Variants in NCKAP5 observed in about 807,000 individuals in gnomAD.
NCKAP5 encodes NCK associated protein 5.
In NCKAP5, 92 loss-of-function variants were observed where a neutral mutation model predicts 167.0. The ratio of observed to expected loss-of-function variants is 0.55; its 90% confidence interval spans 0.47 to 0.66. The LOEUF (loss-of-function observed/expected upper bound fraction) is 0.66. NCKAP5 is among the 30% of genes least tolerant of loss of function. The pLI, the probability that NCKAP5 is intolerant of heterozygous loss-of-function variation, is 0.00. For missense variants in NCKAP5, 2,378 were observed against 2,315.0 expected, an observed-to-expected ratio of 1.03 and a Z score of -0.56; for synonymous variants, 891 against 877.4, an observed-to-expected ratio of 1.02 and a Z score of -0.27.
At chr2:133,607,538 G>C in the NCKAP5 span, among the ~76,000 whole-genome samples, 1 of 152,174 alleles carries the variant, frequency 6.6e-6, no homozygotes, top group Non-Finnish European at 1.5e-5. Context: ...TTAAGATTTG[G>C]AAGTGGTGGG....
chr2:132,904,602 AG>A (rs1276223304), intron 8 of NCKAP5, among the ~76,000 whole-genome samples: 1 of 152,154 alleles, frequency 6.6e-6, no homozygotes, highest in African/African-American at 2.4e-5. Flanking sequence ...CTTTCTGGAA[AG>A]GCTATATCAA....
At chr2:133,263,354 C>A (rs1395219976) in intron 4 of NCKAP5, among the ~76,000 whole-genome samples, 1 of 151,612 alleles carries the variant, frequency 6.6e-6, no homozygotes, top group South Asian at 2.1e-4. Context: ...CAATAAAAAG[C>A]TCCCTTGGGC....
chr2:132,832,777 A>G (rs972820454), intron 11 of NCKAP5, among the ~76,000 whole-genome samples: 3 of 152,170 alleles, frequency 2.0e-5, no homozygotes, highest in Non-Finnish European at 4.4e-5. Flanking sequence ...GTTGTTGGAC[A>G]CTTAGGTTGA....
At position 132,783,659 on chromosome 2, in the gene NCKAP5, C is replaced by T. The variant is rs199817836; in HGVS notation, c.3152G>A (p.Arg1051His). ...CCTTTGTGGGGTCCCAAGTGTTTGGCGAGGAGAGGTTTTGGGGACACCTCT... is the reference window on the plus strand; with the variant it reads ...CCTTTGTGGGGTCCCAAGTGTTTGGTGAGGAGAGGTTTTGGGGACACCTCT... Reference protein sequence around the residue: ...PKRGVPKTSPRQTLGTPQRDI... With the variant: ...PKRGVPKTSPHQTLGTPQRDI... Residue 1051 changes from arginine (R) to histidine (H), a missense_variant, in exon 14 of 20, where the codon CGC (arginine) becomes CAC (histidine). Arg to His is a conservative substitution (Grantham distance 29). Around this residue, in one of 3 missense-constraint regions of NCKAP5, gnomAD observed 1,325 missense variants for 1,274.5 expected, o/e 1.04. Coordinates refer to ENST00000409261, the MANE Select transcript of NCKAP5 (RefSeq NM_207363.3). 9.2e-5 allele frequency: 149 copies of T among 1,613,708 alleles called. No homozygotes were observed. Among genetic ancestry groups the T allele is most frequent in the Admixed American group, 1.5e-4 (9 of 60,000 alleles).
In NCKAP5 at chr2:133,298,530, C is replaced by T. The variant is rs532557114; in HGVS notation, c.143+4507G>A. 2.5e-3 allele frequency among the ~76,000 whole-genome samples: 381 copies of T among 152,238 alleles called. 2 individuals are homozygous for T. Among genetic ancestry groups the T allele is most frequent in the African/African-American group, 8.6e-3 (357 of 41,552 alleles). On this transcript the variant is annotated intron_variant, in intron 4 of 19. Coordinates refer to ENST00000409261, the MANE Select transcript of NCKAP5 (RefSeq NM_207363.3). Reference sequence around the variant, plus strand: ...CTGAGAAGACCTAGGTTTTTATTAGCTACCTCAAGAAAGTAAGAAAAATAG... The same window carrying T: ...CTGAGAAGACCTAGGTTTTTATTAGTTACCTCAAGAAAGTAAGAAAAATAG...
intron 4 of NCKAP5, among the ~76,000 whole-genome samples, chr2:133,239,057 C>T (rs560644365): frequency 6.2e-4 from 94 of 152,288 alleles, no homozygotes; most frequent in Admixed American, 7.2e-4. Context: ...TACAGTCCAT[C>T]ATGTTGGATT....
chr2:132,961,328 AT>A (rs1465239905), intron 8 of NCKAP5, among the ~76,000 whole-genome samples: 3 of 135,072 alleles, frequency 2.2e-5, no homozygotes, highest in African/African-American at 9.1e-5. Context: ...ATAAGAAGAT[AT>A]ATTTATATAT....
At chr2:132,700,122 T>C (rs1293560084) in intron 19 of NCKAP5, among the ~76,000 whole-genome samples, 1 of 149,618 alleles carries the variant, frequency 6.7e-6, no homozygotes, top group East Asian at 1.9e-4. Flanking sequence ...GCTGCATAAA[T>C]GTCTTCTTTT....
At chr2:133,434,910 C>T (rs139733002) in intron 3 of NCKAP5, among the ~76,000 whole-genome samples, 84 of 152,300 alleles carry the variant, frequency 5.5e-4, no homozygotes, top group African/African-American at 2.0e-3. Context: ...CTGTACGTAT[C>T]AGCAGAATGA....
At chr2:133,366,201 T>C (rs922462958) in intron 3 of NCKAP5, among the ~76,000 whole-genome samples, 3 of 152,234 alleles carry the variant, frequency 2.0e-5, no homozygotes, top group African/African-American at 7.2e-5. Flanking sequence ...AGAGCCTATC[T>C]CTGTAAATCT....
intron 5 of NCKAP5, among the ~76,000 whole-genome samples, chr2:133,150,950 G>C (rs2083365966): frequency 6.6e-6 from 1 of 152,162 alleles, no homozygotes; most frequent in African/African-American, 2.4e-5. Context: ...AATGTTGAGT[G>C]AGAAGAGTAA....
In NCKAP5 at chr2:133,086,844, G is replaced by A. The variant is rs1016615517; in HGVS notation, c.341+43134C>T. On this transcript the variant is annotated intron_variant, in intron 6 of 19. Transcript: ENST00000409261. ...GTTGAAAGTTTAGGGAACATTGGGG[G>A]CAAGAAGGAGATCTGAGATGATTTT... Among the ~76,000 whole-genome samples the A allele has an allele frequency of 4.6e-5, 7 of 152,218 alleles. No individual in the cohort carries two copies. The East Asian group carries it at 1.4e-3, about 29-fold the overall frequency.
At chr2:132,735,875 T>C (rs1312112656) in intron 16 of NCKAP5, among the ~76,000 whole-genome samples, 1 of 152,140 alleles carries the variant, frequency 6.6e-6, no homozygotes, top group Non-Finnish European at 1.5e-5. Context: ...AGAAAAAATG[T>C]TGAAGGTGGT....
At chr2:133,367,525 C>G (rs1685530250) in intron 3 of NCKAP5, among the ~76,000 whole-genome samples, 1 of 152,044 alleles carries the variant, frequency 6.6e-6, no homozygotes, top group South Asian at 2.1e-4. Flanking sequence ...TAGCTCAAAC[C>G]AGGAAAACAA....
At chr2:133,308,682 T>C (rs912058559) in intron 3 of NCKAP5, among the ~76,000 whole-genome samples, 25 of 134,944 alleles carry the variant, frequency 1.9e-4, no homozygotes, top group African/African-American at 6.5e-4. Flanking sequence ...TTTGAAGAAA[T>C]ACAATTCTTT....
intron 8 of NCKAP5, among the ~76,000 whole-genome samples, chr2:132,918,655 C>T (rs1437992851): frequency 1.3e-5 from 2 of 152,196 alleles, no homozygotes; most frequent in East Asian, 1.9e-4. Context: ...TTCTCCAAAG[C>T]TTTGCATTTC....
intron 3 of NCKAP5, among the ~76,000 whole-genome samples, chr2:133,431,235 C>T (rs1690140841): frequency 6.6e-6 from 1 of 152,102 alleles, no homozygotes; most frequent in Non-Finnish European, 1.5e-5. Flanking sequence ...CCCCTGAAAG[C>T]AAATACCCAC....
chr2:133,588,267 C>A, the NCKAP5 span, among the ~76,000 whole-genome samples: 2 of 117,690 alleles, frequency 1.7e-5, no homozygotes, highest in South Asian at 5.9e-4. Context: ...TTTTTCCTCC[C>A]TCCCTCCCTC....
chr2:133,473,217 A>C (rs1235840212), intron 3 of NCKAP5, among the ~76,000 whole-genome samples: 1 of 152,040 alleles, frequency 6.6e-6, no homozygotes, highest in Non-Finnish European at 1.5e-5. Flanking sequence ...CTGTAGTCCC[A>C]GCTACTCAGG....
Sources: allele counts gnomAD v4.1 joint callset (sites outside exome capture counted in the v4.1 genomes callset), GRCh38; gene constraint gnomAD v4.1.1; regional missense constraint gnomAD v4.1.1; transcripts MANE v1.5; gene names NCBI Gene and HGNC (gene_info 2026-07-23, HGNC 2026-07-21).